Variants in TENM3 observed in about 807,000 individuals in gnomAD.
TENM3 encodes teneurin transmembrane protein 3.
TENM3 carries 63 observed loss-of-function variants against 255.1 expected under a neutral mutation model. The observed-to-expected ratio is 0.25, with a 90% confidence interval of 0.20 to 0.30. The LOEUF (loss-of-function observed/expected upper bound fraction) is 0.30, where lower values mean the gene tolerates loss of function less well. Among genes scored for constraint, TENM3 ranks in the 10% least tolerant of loss-of-function variants. TENM3 has a pLI of 1.00. For missense variants in TENM3, 2,929 were observed against 3,461.1 expected (o/e 0.85, Z 3.86); for synonymous variants, 1,306 against 1,322.3 (o/e 0.99, Z 0.27).
the TENM3 span, among the ~76,000 whole-genome samples, chr4:181,570,094 GGACTGCA>G: frequency 6.8e-6 from 1 of 146,474 alleles, no homozygotes; most frequent in Non-Finnish European, 1.5e-5. Context: ...GTCGGACTGC[GGACTGCA>G]GTGGCACAAT....
chr4:182,783,823 T>C lies in TENM3; in HGVS notation c.5305-5270T>C, dbSNP rs373919737. 7.9e-5 allele frequency among the ~76,000 whole-genome samples: 12 copies of C among 152,238 alleles called. No homozygotes were observed. The East Asian group carries it at 1.9e-3, about 25-fold the overall frequency. On this transcript the variant is annotated intron_variant, in intron 24 of 27. Coordinates refer to ENST00000511685, the MANE Select transcript of TENM3 (RefSeq NM_001080477.4). The stretch of plus-strand genomic sequence containing the variant: ...CATTCATTTCATCTTCCATCGCTGA[T>C]ACCCTTTCTTCCAGTTGATCGCATC...
chr4:182,521,324 C>A (rs1738549917), intron 3 of TENM3, among the ~76,000 whole-genome samples: 1 of 152,198 alleles, frequency 6.6e-6, no homozygotes, highest in African/African-American at 2.4e-5. Context: ...GCTATGTAGA[C>A]TTTTCCTGAG....
At chr4:181,500,984 T>C in the TENM3 span, among the ~76,000 whole-genome samples, 1 of 152,184 alleles carries the variant, frequency 6.6e-6, no homozygotes, top group Non-Finnish European at 1.5e-5. Flanking sequence ...CCCTAATCTC[T>C]TGTTGTGGCT....
chr4:182,057,589 C>T, the TENM3 span, among the ~76,000 whole-genome samples: 7 of 151,168 alleles, frequency 4.6e-5, no homozygotes, highest in African/African-American at 9.7e-5. Context: ...TTTGTAGAGG[C>T]GGGTTCTCAC....
chr4:181,462,909 C>T, the TENM3 span, among the ~76,000 whole-genome samples: 2 of 152,206 alleles, frequency 1.3e-5, no homozygotes, highest in Non-Finnish European at 2.9e-5. Context: ...TTATTCATCC[C>T]TGTGACCTCA....
the TENM3 span, among the ~76,000 whole-genome samples, chr4:182,055,048 C>T: frequency 1.1e-4 from 17 of 152,240 alleles, 1 homozygote; most frequent in South Asian, 2.7e-3. Context: ...TACTTCCTTC[C>T]GTCTCTATGG....
intron 1 of TENM3, among the ~76,000 whole-genome samples, chr4:182,288,481 A>G (rs1233408084): frequency 1.3e-5 from 2 of 152,156 alleles, no homozygotes; most frequent in African/African-American, 4.8e-5. Flanking sequence ...AATTTTGTCT[A>G]TCTTGTTCCT....
the TENM3 span, among the ~76,000 whole-genome samples, chr4:181,557,859 T>A: frequency 6.6e-6 from 1 of 152,258 alleles, no homozygotes; most frequent in South Asian, 2.1e-4. Context: ...TAAGTTAAAA[T>A]TTAGAAAATA....
chr4:182,274,069 G>A (rs2150232540), intron 1 of TENM3, among the ~76,000 whole-genome samples: 1 of 152,274 alleles, frequency 6.6e-6, no homozygotes, highest in Admixed American at 6.5e-5. Flanking sequence ...AGTCTTGCTG[G>A]AGGCCAGAAT....
chr4:181,703,824 T>G, the TENM3 span, among the ~76,000 whole-genome samples: 2 of 152,136 alleles, frequency 1.3e-5, no homozygotes, highest in East Asian at 1.9e-4. Context: ...CTTACCTGTG[T>G]AAGAAAACAG....
At chr4:181,746,980 C>T in the TENM3 span, among the ~76,000 whole-genome samples, 1 of 152,014 alleles carries the variant, frequency 6.6e-6, no homozygotes, top group African/African-American at 2.4e-5. Flanking sequence ...GGTTATATAT[C>T]TCTGCATATG....
chr4:182,718,834 G>A (rs541916840), intron 13 of TENM3, among the ~76,000 whole-genome samples: 5 of 152,182 alleles, frequency 3.3e-5, no homozygotes, highest in African/African-American at 1.2e-4. Context: ...TTCGGCAAGG[G>A]GTTGCTTGAC....
intron 1 of TENM3, among the ~76,000 whole-genome samples, chr4:182,180,412 G>C (rs1752767350): frequency 6.6e-6 from 1 of 151,936 alleles, no homozygotes; most frequent in Admixed American, 6.6e-5. Flanking sequence ...ATCCTGCTTT[G>C]ACATCTTTCT....
chr4:182,233,982 C>G (rs1300525099), intron 1 of TENM3, among the ~76,000 whole-genome samples: 1 of 152,222 alleles, frequency 6.6e-6, no homozygotes, highest in Non-Finnish European at 1.5e-5. Context: ...TTTGTTATTA[C>G]TGTGTTTCAA....
the TENM3 span, among the ~76,000 whole-genome samples, chr4:182,033,906 C>T: frequency 1.3e-5 from 2 of 152,094 alleles, no homozygotes; most frequent in African/African-American, 2.4e-5. Context: ...TCCTCTATCC[C>T]TTTCTTTTAA....
At chr4:182,081,753 T>C in the TENM3 span, 1 of 152,114 alleles carries the variant, frequency 6.6e-6, no homozygotes, top group Non-Finnish European at 1.5e-5. Flanking sequence ...TCCTACAGCA[T>C]ACCTGATACT....
the TENM3 span, among the ~76,000 whole-genome samples, chr4:181,769,483 A>C: frequency 1.3e-5 from 2 of 152,224 alleles, no homozygotes; most frequent in African/African-American, 4.8e-5. Context: ...TGGGTTAAAT[A>C]ATATAAATCT....
the TENM3 span, among the ~76,000 whole-genome samples, chr4:181,846,776 G>A: frequency 1.3e-5 from 2 of 152,120 alleles, no homozygotes; most frequent in African/African-American, 4.8e-5. Flanking sequence ...ACCCCACACA[G>A]GATCTCTGCC....
At chr4:181,795,686 A>G in the TENM3 span, among the ~76,000 whole-genome samples, 33,767 of 152,168 alleles carry the variant, frequency 0.22, 4,212 homozygotes, top group South Asian at 0.31. Context: ...AACTCAAAAG[A>G]CAATAATTGA....
Sources: allele counts gnomAD v4.1 joint callset (sites outside exome capture counted in the v4.1 genomes callset), GRCh38; gene constraint gnomAD v4.1.1; transcripts MANE v1.5; gene names NCBI Gene and HGNC (gene_info 2026-07-23, HGNC 2026-07-21).